The following DAB1 variants were observed in gnomAD, a reference collection of about 807,000 sequenced individuals.
DAB1 encodes the protein DAB adaptor protein 1.
Under a neutral mutation model 64.6 loss-of-function variants are expected in DAB1, and 15 were observed. The ratio of observed to expected loss-of-function variants is 0.23; its 90% CI spans 0.16 to 0.36. The LOEUF is 0.36. Ranked by LOEUF, DAB1 falls within the 10% of genes least tolerant of loss-of-function variation. The pLI is 1.00. For missense variants in DAB1, 596 were observed against 706.7 expected, an observed-to-expected ratio of 0.84 and a Z score of 1.78; for synonymous variants, 235 against 251.9, an observed-to-expected ratio of 0.93 and a Z score of 0.64.
chr1:58,512,355 A>C (rs1048834339), intron 2 of DAB1, among the ~76,000 whole-genome samples: 1 of 152,166 alleles, frequency 6.6e-6, no homozygotes, highest in African/African-American at 2.4e-5. Flanking sequence ...TTACTCAAAA[A>C]ATTTTTAAAA....
rs780526665 is a variant in DAB1 at position 57,057,669 on chromosome 1, A to C, written c.723+5215T>G. Among the ~76,000 whole-genome samples the C allele has an allele frequency of 7.4e-5, 11 of 148,532 alleles. 1 individual carries two copies. The South Asian group carries it at 2.3e-3, about 32-fold the overall frequency. ...GTTGCCCAGGCTGGAGTGCAGTGGC[A>C]TGATCTCGGCTCACTGCAAGCTCTG... On this transcript the variant is annotated intron_variant, in intron 9 of 14. Transcript: ENST00000371236.
chr1:57,100,767 G>T (rs570842), intron 4 of DAB1, among the ~76,000 whole-genome samples: 83,255 of 133,798 alleles, frequency 0.62, 25,196 homozygotes, highest in East Asian at 0.92. Flanking sequence ...GGTGGGGGTG[G>T]GGGTGGGGGA....
chr1:57,724,300 A>AAGGG (rs796874377), intron 6 of DAB1, among the ~76,000 whole-genome samples: 8 of 73,050 alleles, frequency 1.1e-4, no homozygotes, highest in East Asian at 7.2e-4. Context: ...GGAAGGAAGG[A>AAGGG]AGGGAGGGAG....
chr1:57,440,417 G>T (rs187296847), intron 7 of DAB1, among the ~76,000 whole-genome samples: 3 of 152,320 alleles, frequency 2.0e-5, no homozygotes, highest in African/African-American at 7.2e-5. Flanking sequence ...CATATAAGGA[G>T]CACCTTTCGA....
intron 5 of DAB1, among the ~76,000 whole-genome samples, chr1:57,991,518 G>A (rs1020662394): frequency 7.2e-5 from 11 of 151,944 alleles, no homozygotes; most frequent in Non-Finnish European, 1.5e-4. Flanking sequence ...CCGAAGCACA[G>A]AAGCCATGGG....
At chr1:57,030,285 A>G (rs1646927118) in intron 9 of DAB1, among the ~76,000 whole-genome samples, 1 of 152,220 alleles carries the variant, frequency 6.6e-6, no homozygotes, top group African/African-American at 2.4e-5. Flanking sequence ...TGTGAATACA[A>G]TTAAACCTCT....
rs1156421296 is a variant in DAB1 at position 57,728,537 on chromosome 1, T to C, written n.552-78872A>G. On this transcript the variant is annotated intron_variant and non_coding_transcript_variant, in intron 6 of 20. Transcript: ENST00000485760. ...TGAACCCGGGAGGCAGAATTTGCAG[T>C]GAGCCGAGATCACGTCACCGTACTC... Among the ~76,000 whole-genome samples, 3 of 151,530 alleles carry C rather than the reference T, an allele frequency of 2.0e-5. No individual in the cohort carries two copies. In the East Asian group the frequency reaches 5.8e-4, roughly 30 times the overall value.
chr1:57,253,929 G>A (rs1669566271), intron 2 of DAB1, among the ~76,000 whole-genome samples: 1 of 152,176 alleles, frequency 6.6e-6, no homozygotes, highest in South Asian at 2.1e-4. Context: ...GATGAGTAGG[G>A]GGAGGGGAAA....
intron 5 of DAB1, among the ~76,000 whole-genome samples, chr1:58,005,296 T>C (rs999654657): frequency 6.6e-6 from 1 of 152,086 alleles, no homozygotes; most frequent in Non-Finnish European, 1.5e-5. Flanking sequence ...GAGGAGGCAC[T>C]CCACACAGGA....
At position 57,129,319 on chromosome 1, in the gene DAB1, G is replaced by A. The variant is rs1011215577; in HGVS notation, c.306+7224C>T. On this transcript the variant is annotated intron_variant, in intron 4 of 14. Coordinates refer to ENST00000371236, the MANE Select transcript of DAB1 (RefSeq NM_001365792.1). ...CTAAAAATATGTTGATTTGGGCTAC[G>A]AATTGATTTTTTTTATTGTGATAAA... Among the ~76,000 whole-genome samples the A allele has an allele frequency of 2.0e-4, 30 of 152,066 alleles. 1 individual carries two copies. The highest frequency in any genetic ancestry group is 5.2e-4 in the Admixed American group (8 of 15,254).
At chr1:57,731,238 GAT>G in intron 6 of DAB1, among the ~76,000 whole-genome samples, 1 of 152,332 alleles carries the variant, frequency 6.6e-6, no homozygotes. Flanking sequence ...AATATTGCAT[GAT>G]TCCACTTACA....
At chr1:58,427,377 T>A (rs1188815323) in intron 3 of DAB1, among the ~76,000 whole-genome samples, 2 of 151,640 alleles carry the variant, frequency 1.3e-5, no homozygotes, top group Non-Finnish European at 2.9e-5. Flanking sequence ...ATCTTAAGAG[T>A]TTTATGATAT....
intron 7 of DAB1, among the ~76,000 whole-genome samples, chr1:57,523,343 A>T (rs1644552912): frequency 1.3e-5 from 2 of 152,202 alleles, no homozygotes; most frequent in Admixed American, 1.3e-4. Context: ...ACAGTAAAAA[A>T]GCTGACAAGA....
intron 5 of DAB1, among the ~76,000 whole-genome samples, chr1:58,103,534 T>A (rs1651450770): frequency 6.6e-6 from 1 of 152,220 alleles, no homozygotes; most frequent in South Asian, 2.1e-4. Context: ...GGAACCAGTA[T>A]GACTGACTGA....
chr1:57,898,759 G>C (rs2101991728), intron 5 of DAB1, among the ~76,000 whole-genome samples: 1 of 152,262 alleles, frequency 6.6e-6, no homozygotes, highest in Admixed American at 6.5e-5. Context: ...TAGGATTGTG[G>C]TGGGATTAAA....
At chr1:58,442,508 G>T (rs1645022773) in intron 3 of DAB1, among the ~76,000 whole-genome samples, 1 of 152,192 alleles carries the variant, frequency 6.6e-6, no homozygotes, top group Non-Finnish European at 1.5e-5. Context: ...TATCCCTTCA[G>T]GCCTCTTAGC....
chr1:57,702,199 A>G (rs1234857577), intron 6 of DAB1, among the ~76,000 whole-genome samples: 1 of 151,572 alleles, frequency 6.6e-6, no homozygotes, highest in East Asian at 1.9e-4. Context: ...GAGTTTTTTC[A>G]CTTGTCTGTG....
At chr1:57,293,039 A>G (rs1317047018) in intron 1 of DAB1, among the ~76,000 whole-genome samples, 1 of 152,144 alleles carries the variant, frequency 6.6e-6, no homozygotes, top group Non-Finnish European at 1.5e-5. Context: ...GAATGAATGA[A>G]TGAATGAATG....
intron 1 of DAB1, among the ~76,000 whole-genome samples, chr1:57,375,895 G>A (rs1406376423): frequency 1.3e-5 from 2 of 152,148 alleles, no homozygotes; most frequent in Non-Finnish European, 2.9e-5. Flanking sequence ...TTTGTGTATT[G>A]CCTTCCATGA....
Sources: gnomAD v4.1 joint callset for allele counts (sites outside exome capture counted in the v4.1 genomes callset) on GRCh38, gnomAD v4.1.1 for gene constraint, MANE v1.5 for transcripts, NCBI Gene and HGNC (gene_info 2026-07-23, HGNC 2026-07-21) for gene names.